The following ANO2 variants were observed in gnomAD, a reference collection of about 807,000 sequenced individuals.
ANO2 encodes the protein anoctamin 2.
ANO2 carries 101 observed loss-of-function variants against 124.2 expected under a neutral mutation model. The observed-to-expected ratio is 0.81, with a 90% CI of 0.69 to 0.96. The LOEUF (loss-of-function observed/expected upper bound fraction) is 0.96, where lower values mean the gene tolerates loss of function less well. Ranked by LOEUF, ANO2 falls within the 40% of genes least tolerant of loss-of-function variation. ANO2 has a pLI of 0.00. For synonymous variants in ANO2, 486 were observed against 482.5 expected (o/e 1.01, Z -0.09); for missense variants, 1,293 against 1,274.5 (o/e 1.01, Z -0.22).
chr12:5,816,119 A>G (rs933990974), intron 7 of ANO2, among the ~76,000 whole-genome samples: 2 of 151,536 alleles, frequency 1.3e-5, no homozygotes, highest in Admixed American at 6.6e-5. Flanking sequence ...ACGATTCCAA[A>G]TCCAGTCCTG....
At chr12:5,806,568 G>A (rs1953200508) in intron 8 of ANO2, among the ~76,000 whole-genome samples, 1 of 152,216 alleles carries the variant, frequency 6.6e-6, no homozygotes, top group Admixed American at 6.5e-5. Flanking sequence ...CTACCGCATG[G>A]CACGTGCCCA....
In ANO2 at chr12:5,636,494, A is replaced by G. The variant is rs1217399684; in HGVS notation, c.1621-1147T>C. 6.6e-6 allele frequency among the ~76,000 whole-genome samples: 1 copy of G among 151,960 alleles called. No homozygotes were observed. The highest frequency in any genetic ancestry group is 6.6e-5 in the Admixed American group (1 of 15,258). Reference sequence around the variant, plus strand: ...CTGTAAAGGAAGCTGTTCAGGTCCTATTTCCTCCGCAGGACAGAGAATGGG... The same window carrying G: ...CTGTAAAGGAAGCTGTTCAGGTCCTGTTTCCTCCGCAGGACAGAGAATGGG... On this transcript the variant is annotated intron_variant, in intron 15 of 24. Coordinates refer to ENST00000682330, the MANE Select transcript of ANO2 (RefSeq NM_001364791.2). This position sits in a 1 kb window ranked among gnomAD's most constrained non-coding sequence, Gnocchi z 4.6.
intron 14 of ANO2, among the ~76,000 whole-genome samples, chr12:5,689,123 A>G (rs1023816301): frequency 6.6e-6 from 1 of 152,180 alleles, no homozygotes; most frequent in Admixed American, 6.5e-5. Context: ...TGAGGTTACT[A>G]AAGAAGCCAA....
rs781061139 is a variant in ANO2 at position 5,635,262 on chromosome 12, C to G, written c.1706G>C (p.Arg569Pro). The G allele has an allele frequency of 1.9e-6, 3 of 1,612,546 alleles. No homozygotes were observed. The Admixed American group carries it at 5.0e-5, about 27-fold the overall frequency. ...TGTCACTGTCACCCGGACATTGGAGCGTGTAGCCTTATTGAGAGACAGAGC... is the reference window on the plus strand; with the variant it reads ...TGTCACTGTCACCCGGACATTGGAGGGTGTAGCCTTATTGAGAGACAGAGC... ...AAALSLNKAT[R>P]SNVRVTVTAT... is the part of the protein sequence containing the mutation. The change falls in exon 16 of 25, where the codon CGC becomes CCC. Residue 569 changes from arginine to proline, a missense_variant. By Grantham distance (103) the Arg-to-Pro change is moderately radical (BLOSUM62 -2). Coordinates refer to ENST00000682330, the MANE Select transcript of ANO2 (RefSeq NM_001364791.2). The surrounding 1 kb of genome is among the most constrained non-coding windows in gnomAD (Gnocchi z 5.2).
At chr12:5,758,039 G>A (rs551808456) in intron 10 of ANO2, among the ~76,000 whole-genome samples, 2 of 152,232 alleles carry the variant, frequency 1.3e-5, no homozygotes, top group East Asian at 3.9e-4. Flanking sequence ...ACACAGGTAT[G>A]AAAAACCATG....
At chr12:5,923,180 A>G (rs902496861) in intron 1 of ANO2, among the ~76,000 whole-genome samples, 2 of 46,784 alleles carry the variant, frequency 4.3e-5, no homozygotes, top group Non-Finnish European at 6.2e-5. Flanking sequence ...ACACGCACAC[A>G]CACATACACA....
chr12:5,661,947 T>C (rs1223630381), intron 14 of ANO2, among the ~76,000 whole-genome samples: 1 of 152,206 alleles, frequency 6.6e-6, no homozygotes, highest in Non-Finnish European at 1.5e-5. Context: ...CCCTCATGCA[T>C]GGTGTCAACA....
rs531901269 is a variant in ANO2, at chr12:5,791,560, C to A, written c.1055+7947G>T. On this transcript the variant is annotated intron_variant, in intron 10 of 24. Transcript: ENST00000682330. The stretch of plus-strand genomic sequence containing the variant: ...GGAACCCCAGCTAGCCTGACATCCA[C>A]TGAATGGAACTCTGGGGCACCTTCA... Among the ~76,000 whole-genome samples, 14 of 152,320 alleles carry A rather than the reference C, an allele frequency of 9.2e-5. 1 individual carries two copies. In the South Asian group the frequency reaches 2.7e-3, roughly 29 times the overall value.
At position 5,768,445 on chromosome 12, in the gene ANO2, A is replaced by T. The variant is rs115906462; in HGVS notation, c.1056-17475T>A. On this transcript the variant is annotated intron_variant, in intron 10 of 24. Coordinates refer to ENST00000682330, the MANE Select transcript of ANO2 (RefSeq NM_001364791.2). Reference sequence around the variant, plus strand: ...CAGAAGTGTTGTTGGAAGAGAAGAGAGTCTATATCAAAAGGGATTTCAAAA... The same window carrying T: ...CAGAAGTGTTGTTGGAAGAGAAGAGTGTCTATATCAAAAGGGATTTCAAAA... Among the ~76,000 whole-genome samples, 349 of 152,322 alleles carry T rather than the reference A, an allele frequency of 2.3e-3. 1 individual carries two copies. Among genetic ancestry groups the T allele is most frequent in the African/African-American group, 8.2e-3 (342 of 41,566 alleles).
rs562658822 is a variant in ANO2 at position 5,905,949 on chromosome 12, G to A, written c.534+15091C>T. Among the ~76,000 whole-genome samples, 4 of 152,170 alleles carry A rather than the reference G, an allele frequency of 2.6e-5. No individual in the cohort carries two copies. The South Asian group carries it at 8.3e-4, about 32-fold the overall frequency. On this transcript the variant is annotated intron_variant, in intron 3 of 24. Coordinates refer to ENST00000682330, the MANE Select transcript of ANO2 (RefSeq NM_001364791.2). ...CTCCCCTATCCCTTCATCCCACCCC[G>A]GCTTCTAGCTTTCTCTCTTCGGGCG...
At chr12:5,807,178 A>C in intron 8 of ANO2, 135 bp downstream of exon 8, 1 of 683,892 alleles carries the variant, frequency 1.5e-6, no homozygotes, top group Non-Finnish European at 2.3e-6. Flanking sequence ...GTCCAGGGTC[A>C]GTCAAGGTAT....
intron 14 of ANO2, among the ~76,000 whole-genome samples, chr12:5,678,032 A>G (rs1358746144): frequency 6.6e-6 from 1 of 152,122 alleles, no homozygotes; most frequent in Admixed American, 6.5e-5. Context: ...GGGAAGAGTG[A>G]GAATGAGGGC....
In ANO2 at chr12:5,888,386, G is replaced by C. The variant is rs113391876; in HGVS notation, c.534+32654C>G. On this transcript the variant is annotated intron_variant, in intron 3 of 24. Transcript: ENST00000682330. ...AGCGAAAGAACAAACCTTCCACAGTGTGGAAGGGGACGCCAGCGGATTGCC... is the reference window on the plus strand; with the variant it reads ...AGCGAAAGAACAAACCTTCCACAGTCTGGAAGGGGACGCCAGCGGATTGCC... Among the ~76,000 whole-genome samples, 578 of 152,306 alleles carry C rather than the reference G, an allele frequency of 3.8e-3. 4 individuals carry two copies. Among genetic ancestry groups the C allele is most frequent in the African/African-American group, 0.013 (549 of 41,560 alleles).
intron 11 of ANO2, 123 bp downstream of exon 11, chr12:5,750,713 G>A (rs1413755570): frequency 1.9e-6 from 2 of 1,035,664 alleles, no homozygotes; most frequent in Non-Finnish European, 2.8e-6. Context: ...ATGTGTCATA[G>A]CGAAGGAGAA....
At position 5,798,061 on chromosome 12, in the gene ANO2, G is replaced by A. The variant is rs115340684; in HGVS notation, c.1055+1446C>T. Among the ~76,000 whole-genome samples the A allele has an allele frequency of 7.5e-3, 1,142 of 152,078 alleles. 5 individuals are homozygous for A. The highest frequency in any genetic ancestry group is 0.025 in the African/African-American group (1,023 of 41,490). ...TAGGGAGAATTTTTATTTTTTAATC[G>A]TACTTAAAAAAAACAAAAACAAATG... is the stretch of plus-strand genomic sequence containing the variant. On this transcript the variant is annotated intron_variant, in intron 10 of 24. Coordinates refer to ENST00000682330, the MANE Select transcript of ANO2 (RefSeq NM_001364791.2).
At chr12:5,882,953 G>A (rs1174556469) in intron 3 of ANO2, among the ~76,000 whole-genome samples, 1 of 152,168 alleles carries the variant, frequency 6.6e-6, no homozygotes, top group Admixed American at 6.5e-5. Flanking sequence ...TGAATGGGGA[G>A]ATATGAGAGC....
chr12:5,721,040 T>C (rs987552159), intron 14 of ANO2, among the ~76,000 whole-genome samples: 9 of 152,300 alleles, frequency 5.9e-5, no homozygotes, highest in Admixed American at 5.9e-4. Context: ...TACACATCTC[T>C]GGCATCCTTC....
At chr12:5,709,867 G>A (rs529626425) in intron 14 of ANO2, among the ~76,000 whole-genome samples, 2 of 152,284 alleles carry the variant, frequency 1.3e-5, no homozygotes, top group African/African-American at 4.8e-5. Context: ...AAGAGGAAAC[G>A]GATAGGCGCT....
rs746451775 is a variant in ANO2, at chr12:5,827,712, G to A, written c.892+57C>T. 13 of 1,562,608 alleles carry A rather than the reference G, an allele frequency of 8.3e-6. No individual in the cohort carries two copies. The East Asian group carries it at 1.4e-4, about 17-fold the overall frequency. ...CGACCAAGGGAGCTGTTGAAAGCAC[G>A]GGGCGGGAGCCGCCTCAGCGCCCGT... On this transcript the variant is annotated intron_variant, in intron 7 of 24. Coordinates refer to ENST00000682330, the MANE Select transcript of ANO2 (RefSeq NM_001364791.2).
Sources: gnomAD v4.1 joint callset for allele counts (sites outside exome capture counted in the v4.1 genomes callset) on GRCh38, gnomAD v4.1.1 for gene constraint, Gnocchi (gnomAD v3.1) non-coding constraint, MANE v1.5 for transcripts, NCBI Gene and HGNC (gene_info 2026-07-23, HGNC 2026-07-21) for gene names.